The following GRIP1 variants were observed in gnomAD, a reference collection of about 807,000 sequenced individuals.
GRIP1 encodes the protein glutamate receptor-interacting protein 1.
In GRIP1, 45 loss-of-function variants were observed where a neutral mutation model predicts 129.9. That is an observed-to-expected ratio of 0.35 (90% confidence interval 0.27 to 0.44). The LOEUF (loss-of-function observed/expected upper bound fraction) is 0.44. GRIP1 is among the 20% of genes least tolerant of loss of function. The pLI is 1.00. For synonymous variants in GRIP1, 530 were observed against 520.8 expected (o/e 1.02, Z -0.24); for missense variants, 1,196 against 1,396.8 (o/e 0.86, Z 2.29).
chr12:67,016,141 A>G (rs999161210), intron 1 of GRIP1, among the ~76,000 whole-genome samples: 8 of 152,214 alleles, frequency 5.3e-5, no homozygotes, highest in Admixed American at 5.2e-4. Flanking sequence ...CTGTTCTTTG[A>G]GAGAGAAAAA....
chr12:66,566,537 G>A (rs957765233), intron 2 of GRIP1, among the ~76,000 whole-genome samples: 6 of 152,152 alleles, frequency 3.9e-5, no homozygotes, highest in African/African-American at 1.2e-4. Flanking sequence ...TTTTATTGAG[G>A]ATTTTTGCAT....
At chr12:66,811,717 ACTTT>A (rs2039108427) in intron 1 of GRIP1, among the ~76,000 whole-genome samples, 1 of 151,980 alleles carries the variant, frequency 6.6e-6, no homozygotes. Context: ...AAGTCTACTT[ACTTT>A]AAGTTATACA....
intron 13 of GRIP1, among the ~76,000 whole-genome samples, chr12:66,443,180 T>C (rs1195708407): frequency 6.6e-6 from 1 of 152,216 alleles, no homozygotes; most frequent in Non-Finnish European, 1.5e-5. Flanking sequence ...AAACTTTAGT[T>C]TGGCTCCCTG....
At chr12:66,973,846 C>T (rs188245694) in intron 1 of GRIP1, among the ~76,000 whole-genome samples, 4 of 151,854 alleles carry the variant, frequency 2.6e-5, no homozygotes, top group Admixed American at 2.0e-4. Context: ...TATAAGAAGA[C>T]CCTTCAGCAT....
intron 17 of GRIP1, 151 bp downstream of exon 17, chr12:66,394,057 C>G (rs1424112401): frequency 4.9e-6 from 4 of 817,472 alleles, no homozygotes; most frequent in Non-Finnish European, 8.2e-6. Flanking sequence ...GGAACTCTGC[C>G]TGAGAGTTCT....
chr12:66,552,278 CACTT>C (rs950867088), intron 2 of GRIP1, among the ~76,000 whole-genome samples: 56 of 152,306 alleles, frequency 3.7e-4, no homozygotes, highest in African/African-American at 1.3e-3. Flanking sequence ...GAGCTACACT[CACTT>C]GGCCTTTTTC....
In GRIP1 at chr12:66,654,115, A is replaced by T. The variant is rs187218469; in HGVS notation, c.55+24735T>A. On this transcript the variant is annotated intron_variant, in intron 1 of 24. Transcript: ENST00000359742. The stretch of plus-strand genomic sequence containing the variant: ...GAAAGAACAAAGCTATCAGGCACCA[A>T]ACATAGGTGATAGATTGAAACTTTT... 3.2e-3 allele frequency among the ~76,000 whole-genome samples: 482 copies of T among 152,300 alleles called. 1 individual carries two copies. Among genetic ancestry groups the T allele is most frequent in the Admixed American group, 5.9e-3 (91 of 15,296 alleles).
chr12:66,894,546 G>A (rs1003514636), intron 1 of GRIP1, among the ~76,000 whole-genome samples: 1 of 152,146 alleles, frequency 6.6e-6, no homozygotes, highest in African/African-American at 2.4e-5. Flanking sequence ...GAAAGCCAGG[G>A]TCTTCTGTAT....
chr12:66,785,129 G>C (rs1369582620), intron 1 of GRIP1, among the ~76,000 whole-genome samples: 4 of 151,694 alleles, frequency 2.6e-5, no homozygotes, highest in African/African-American at 9.7e-5. Context: ...GATATAAGAA[G>C]AGGGAAGTAG....
chr12:66,921,485 T>C (rs1438328412), intron 1 of GRIP1, among the ~76,000 whole-genome samples: 1 of 152,196 alleles, frequency 6.6e-6, no homozygotes, highest in Admixed American at 6.5e-5. Flanking sequence ...ATTTCCCAGG[T>C]GAATCCACCT....
chr12:66,690,924 C>T (rs1025042714), intron 1 of GRIP1, among the ~76,000 whole-genome samples: 1 of 151,360 alleles, frequency 6.6e-6, no homozygotes, highest in Non-Finnish European at 1.5e-5. Context: ...TAGAGCAAGA[C>T]CCAGTGTCAA....
At chr12:66,732,941 T>C (rs555178479) in intron 1 of GRIP1, among the ~76,000 whole-genome samples, 4 of 152,166 alleles carry the variant, frequency 2.6e-5, no homozygotes, top group Non-Finnish European at 4.4e-5. Flanking sequence ...TCATTAAGGA[T>C]TGTGCTAGGC....
At position 66,899,075 on chromosome 12, in the gene GRIP1, A is replaced by T. The variant is rs146079817; in HGVS notation, c.58+169975T>A. 1.2e-4 allele frequency among the ~76,000 whole-genome samples: 19 copies of T among 152,216 alleles called. No individual in the cohort carries two copies. In the East Asian group the frequency reaches 3.5e-3, roughly 28 times the overall value. On this transcript the variant is annotated intron_variant, in intron 1 of 1. Coordinates refer to the GRIP1 transcript ENST00000643019. ...TTGTATCCCTAGCGCTTCTCTTTGC[A>T]TTTCTGCCTGGGTAACTCACTCTAA...
intron 7 of GRIP1, among the ~76,000 whole-genome samples, chr12:66,503,960 A>G (rs991450112): frequency 1.3e-5 from 2 of 152,198 alleles, no homozygotes; most frequent in African/African-American, 4.8e-5. Context: ...TCTTGGAGCT[A>G]GGCTGGCTAA....
At chr12:66,689,400 T>C (rs1421463829) in intron 1 of GRIP1, among the ~76,000 whole-genome samples, 1 of 152,188 alleles carries the variant, frequency 6.6e-6, no homozygotes, top group Non-Finnish European at 1.5e-5. Context: ...AAGTCAATCA[T>C]TGTCATTGTC....
At chr12:66,914,682 T>G (rs2137328358) in intron 1 of GRIP1, among the ~76,000 whole-genome samples, 1 of 152,338 alleles carries the variant, frequency 6.6e-6, no homozygotes, top group Non-Finnish European at 1.5e-5. Context: ...GTTTGGCGTT[T>G]CTCTGGTGAG....
intron 1 of GRIP1, among the ~76,000 whole-genome samples, chr12:66,966,521 A>G (rs2137554591): frequency 6.6e-6 from 1 of 152,206 alleles, no homozygotes; most frequent in Non-Finnish European, 1.5e-5. Context: ...TCTTCATTTT[A>G]CCTAATATTA....
At chr12:66,623,208 A>G (rs1256699066) in intron 1 of GRIP1, among the ~76,000 whole-genome samples, 1 of 152,190 alleles carries the variant, frequency 6.6e-6, no homozygotes, top group Non-Finnish European at 1.5e-5. Context: ...ATATAGCCTA[A>G]GTCTCTCTGC....
chr12:66,551,806 T>A lies in GRIP1; in HGVS notation c.137-9856A>T, dbSNP rs568969037. On this transcript the variant is annotated intron_variant, in intron 2 of 24. Transcript: ENST00000359742. ...TATGTTGCTTCGGCTGGTTTTGAAC[T>A]CCTGGGCTCAAGCGATGGTCCTGCC... 3.3e-5 allele frequency among the ~76,000 whole-genome samples: 5 copies of A among 152,256 alleles called. No homozygotes were observed. In the East Asian group the frequency reaches 9.6e-4, roughly 29 times the overall value.
Sources: allele counts gnomAD v4.1 joint callset (sites outside exome capture counted in the v4.1 genomes callset), GRCh38; gene constraint gnomAD v4.1.1; transcripts MANE v1.5; gene names NCBI Gene and HGNC (gene_info 2026-07-23, HGNC 2026-07-21).